The following RPS6KA3 variants were observed in gnomAD, a reference collection of about 807,000 sequenced individuals.
RPS6KA3 encodes ribosomal protein S6 kinase alpha-3.
In RPS6KA3, 4 loss-of-function variants were observed where a neutral mutation model predicts 67.2. That is an observed-to-expected ratio of 0.06 (90% CI 0.03 to 0.14). RPS6KA3 has a LOEUF of 0.14. RPS6KA3 is among the 10% of genes least tolerant of loss of function. The pLI is 1.00. For missense variants in RPS6KA3, 204 were observed against 559.0 expected, an observed-to-expected ratio of 0.36 and a Z score of 6.40; for synonymous variants, 182 against 183.7, an observed-to-expected ratio of 0.99 and a Z score of 0.07.
chrX:20,224,469 G>A (rs768810700), intron 2 of RPS6KA3, among the ~76,000 whole-genome samples: 31 of 110,274 alleles, frequency 2.8e-4, no homozygotes, highest in African/African-American at 9.6e-4. Context: ...AAAAAAAATC[G>A]ACCCATACGA....
chrX:20,244,861 A>G (rs1803594205), intron 1 of RPS6KA3, among the ~76,000 whole-genome samples: 2 of 112,252 alleles, frequency 1.8e-5, no homozygotes, highest in Admixed American at 9.4e-5. Flanking sequence ...TCATTTTTCT[A>G]TCATTGATCA....
chrX:20,170,436 G>C (rs2067544527), intron 15 of RPS6KA3, among the ~76,000 whole-genome samples: 1 of 110,754 alleles, frequency 9.0e-6, no homozygotes, highest in Non-Finnish European at 1.9e-5. Context: ...TGAACTATGA[G>C]GGACCAATTA....
At chrX:20,259,679 G>A (rs1256628448) in intron 1 of RPS6KA3, among the ~76,000 whole-genome samples, 1 of 111,223 alleles carries the variant, frequency 9.0e-6, no homozygotes, top group Non-Finnish European at 1.9e-5. Flanking sequence ...TTCAATAGAT[G>A]GTTTACAAAA....
At chrX:20,175,902 G>A (rs1603422111) in intron 13 of RPS6KA3, among the ~76,000 whole-genome samples, 1 of 110,740 alleles carries the variant, frequency 9.0e-6, no homozygotes, top group Admixed American at 9.6e-5. Flanking sequence ...ACAGAGTGTC[G>A]CTCTGTCACC....
At chrX:20,233,469 C>T (rs147458492) in intron 2 of RPS6KA3, among the ~76,000 whole-genome samples, 63 of 110,746 alleles carry the variant, frequency 5.7e-4, no homozygotes, top group African/African-American at 1.5e-3. Context: ...CTGGGCATGG[C>T]GGCTAACACC....
intron 2 of RPS6KA3, among the ~76,000 whole-genome samples, chrX:20,210,165 A>G (rs2068676725): frequency 8.9e-6 from 1 of 112,281 alleles, no homozygotes; most frequent in Non-Finnish European, 1.9e-5. Flanking sequence ...GAAAAGTGTC[A>G]GAACAAAGAG....
At chrX:20,166,715 T>TC in intron 17 of RPS6KA3, among the ~76,000 whole-genome samples, 1 of 79,562 alleles carries the variant, frequency 1.3e-5, no homozygotes, top group African/African-American at 6.0e-5. Flanking sequence ...CTTCCCTTCT[T>TC]TTTTTTTTTT....
chrX:20,200,242 AGTCTTCCAT>A (rs2148713211), intron 4 of RPS6KA3, among the ~76,000 whole-genome samples: 1 of 112,285 alleles, frequency 8.9e-6, no homozygotes, highest in East Asian at 2.8e-4. Flanking sequence ...ACTGAATCTT[AGTCTTCCAT>A]GTTAGAAAGG....
At position 20,227,081 on chromosome X, in the gene RPS6KA3, C is replaced by T. The variant is rs769390371; in HGVS notation, c.126+7677G>A. The stretch of plus-strand genomic sequence containing the variant: ...TCAAATTCTTCCTACTCTGCAACAG[C>T]CTCTCAAGTGAATTTTCAATACCCA... On this transcript the variant is annotated intron_variant, in intron 2 of 21. Coordinates refer to ENST00000379565, the MANE Select transcript of RPS6KA3 (RefSeq NM_004586.3). Among the ~76,000 whole-genome samples, 13 of 111,541 alleles carry T rather than the reference C, an allele frequency of 1.2e-4. No homozygotes were observed. In the South Asian group the frequency reaches 4.5e-3, roughly 39 times the overall value.
chrX:20,254,629 A>C (rs1456998055), intron 1 of RPS6KA3, among the ~76,000 whole-genome samples: 1 of 112,445 alleles, frequency 8.9e-6, no homozygotes, highest in Non-Finnish European at 1.9e-5. Flanking sequence ...ATACATATAC[A>C]AGGAACTTCC....
At chrX:20,251,618 T>G (rs752594785) in intron 1 of RPS6KA3, among the ~76,000 whole-genome samples, 1 of 113,268 alleles carries the variant, frequency 8.8e-6, no homozygotes, top group Non-Finnish European at 1.9e-5. Context: ...AGTTTGATAT[T>G]TTACTTTTTC....
At chrX:20,232,719 T>C (rs957533982) in intron 2 of RPS6KA3, among the ~76,000 whole-genome samples, 6 of 111,598 alleles carry the variant, frequency 5.4e-5, no homozygotes, top group Non-Finnish European at 9.4e-5. Flanking sequence ...TATACAGAGA[T>C]TGTACAGACC....
chrX:20,163,728 G>T (rs1249582450), intron 18 of RPS6KA3, among the ~76,000 whole-genome samples: 2 of 110,883 alleles, frequency 1.8e-5, no homozygotes, highest in African/African-American at 6.6e-5. Flanking sequence ...GAGTGCAGTG[G>T]CGCGATCTTG....
chrX:20,167,451 A>T, intron 17 of RPS6KA3, 138 bp downstream of exon 17: 3 of 572,625 alleles, frequency 5.2e-6, no homozygotes, highest in Admixed American at 5.5e-5. Context: ...AAGTTTATAT[A>T]GAGGAAGGTC....
chrX:20,173,108 T>C (rs1428280826), intron 14 of RPS6KA3, among the ~76,000 whole-genome samples: 2 of 112,212 alleles, frequency 1.8e-5, no homozygotes, highest in African/African-American at 6.5e-5. Flanking sequence ...AAAATTGAAT[T>C]TGCACAACAG....
At chrX:20,228,513 C>G (rs997619739) in intron 2 of RPS6KA3, among the ~76,000 whole-genome samples, 5 of 111,469 alleles carry the variant, frequency 4.5e-5, no homozygotes, top group African/African-American at 1.3e-4. Context: ...CCTACTTCTT[C>G]CTGTGTCCAA....
At chrX:20,245,255 T>C (rs774237740) in intron 1 of RPS6KA3, among the ~76,000 whole-genome samples, 106 of 112,062 alleles carry the variant, frequency 9.5e-4, no homozygotes, top group Non-Finnish European at 1.5e-3. Context: ...ATTAAAGTTT[T>C]AGATTAAGGT....
intron 11 of RPS6KA3, 32 bp downstream of exon 11, chrX:20,176,964 T>C: frequency 9.9e-7 from 1 of 1,013,610 alleles, no homozygotes; most frequent in Non-Finnish European, 1.4e-6. Flanking sequence ...CCAACAAACA[T>C]ACAACATAAA....
chrX:20,181,872 A>C (rs1481330783), intron 10 of RPS6KA3, among the ~76,000 whole-genome samples: 1 of 111,770 alleles, frequency 8.9e-6, no homozygotes, highest in African/African-American at 3.2e-5. Flanking sequence ...CTTTGTGTTG[A>C]AAGGATGCAG....
Sources: gnomAD v4.1 joint callset for allele counts (sites outside exome capture counted in the v4.1 genomes callset) on GRCh38, gnomAD v4.1.1 for gene constraint, MANE v1.5 for transcripts, NCBI Gene and HGNC (gene_info 2026-07-23, HGNC 2026-07-21) for gene names.